Variants in SPAG17 observed in about 807,000 individuals in gnomAD.
SPAG17 encodes sperm-associated antigen 17.
A neutral mutation model predicts 273.6 loss-of-function variants in SPAG17; 169 were observed. The ratio of observed to expected loss-of-function variants is 0.62; its 90% CI spans 0.55 to 0.70. SPAG17 has a LOEUF of 0.70. Ranked by LOEUF, SPAG17 falls within the 30% of genes least tolerant of loss-of-function variation. The pLI, the probability that SPAG17 is intolerant of heterozygous loss-of-function variation, is 0.00. For missense variants in SPAG17, 2,557 were observed against 2,627.8 expected, an observed-to-expected ratio of 0.97 and a Z score of 0.59; for synonymous variants, 825 against 873.2, an observed-to-expected ratio of 0.94 and a Z score of 0.97.
intron 13 of SPAG17, among the ~76,000 whole-genome samples, chr1:118,082,719 A>G (rs918965190): frequency 2.6e-5 from 4 of 152,196 alleles, no homozygotes; most frequent in Non-Finnish European, 4.4e-5. Context: ...ACAAAAAGTG[A>G]TAATAGTCAG....
At chr1:118,074,839 T>C (rs1208835122) in intron 15 of SPAG17, among the ~76,000 whole-genome samples, 1 of 152,264 alleles carries the variant, frequency 6.6e-6, no homozygotes, top group East Asian at 1.9e-4. Context: ...GTGATATATC[T>C]TAAATCATAC....
At chr1:118,006,480 C>G (rs1658894629) in intron 31 of SPAG17, among the ~76,000 whole-genome samples, 3 of 152,142 alleles carry the variant, frequency 2.0e-5, no homozygotes, top group Admixed American at 2.0e-4. Context: ...ATCAGATTTT[C>G]TTTATTCACT....
At chr1:118,097,614 T>C (rs1558010809) in intron 7 of SPAG17, 56 bp downstream of exon 7, 4 of 1,384,240 alleles carry the variant, frequency 2.9e-6, no homozygotes, top group Non-Finnish European at 1.9e-6. Flanking sequence ...ATGGAGCAAA[T>C]AGAACCACTG....
intron 15 of SPAG17, among the ~76,000 whole-genome samples, chr1:118,078,102 G>A (rs933659455): frequency 2.6e-4 from 39 of 152,186 alleles, no homozygotes; most frequent in African/African-American, 8.9e-4. Flanking sequence ...TTAAATAAAT[G>A]TTATTTTCTT....
At chr1:118,145,853 A>T (rs1658956759) in intron 3 of SPAG17, among the ~76,000 whole-genome samples, 1 of 152,176 alleles carries the variant, frequency 6.6e-6, no homozygotes, top group African/African-American at 2.4e-5. Context: ...AGAGCATAAG[A>T]ACTTTTATTC....
At chr1:118,096,161 G>C (rs986050844) in intron 7 of SPAG17, among the ~76,000 whole-genome samples, 1 of 152,088 alleles carries the variant, frequency 6.6e-6, no homozygotes, top group Non-Finnish European at 1.5e-5. Flanking sequence ...ACTTATTCAA[G>C]TCCTGTCCAT....
intron 3 of SPAG17, among the ~76,000 whole-genome samples, chr1:118,126,663 C>T (rs1457436284): frequency 2.0e-5 from 3 of 152,086 alleles, no homozygotes; most frequent in African/African-American, 4.8e-5. Flanking sequence ...TTGTTTCCTT[C>T]GTTGTGCAGA....
chr1:118,011,593 T>C (rs1659473675), intron 30 of SPAG17, among the ~76,000 whole-genome samples: 2 of 151,964 alleles, frequency 1.3e-5, no homozygotes, highest in Admixed American at 1.3e-4. Context: ...AAGGAGAGGA[T>C]CAGAAAAAAT....
At chr1:118,077,834 C>T (rs973660437) in intron 15 of SPAG17, among the ~76,000 whole-genome samples, 1 of 152,140 alleles carries the variant, frequency 6.6e-6, no homozygotes, top group Non-Finnish European at 1.5e-5. Context: ...AGGAGCATGG[C>T]TAAATCATTA....
intron 1 of SPAG17, among the ~76,000 whole-genome samples, chr1:118,171,755 G>T (rs915250048): frequency 2.0e-5 from 3 of 152,078 alleles, no homozygotes; most frequent in African/African-American, 7.2e-5. Flanking sequence ...CACTGCTGTA[G>T]AGAGTGACGT....
chr1:118,126,043 GTTT>G (rs33966143), intron 3 of SPAG17, among the ~76,000 whole-genome samples: 299 of 136,740 alleles, frequency 2.2e-3, no homozygotes, highest in African/African-American at 7.8e-3. Context: ...GTTATTTTCT[GTTT>G]TTTTTTTTTT....
chr1:118,076,760 T>C, intron 15 of SPAG17, among the ~76,000 whole-genome samples: 1 of 152,130 alleles, frequency 6.6e-6, no homozygotes, highest in Admixed American at 6.6e-5. Flanking sequence ...TGATTTTTGC[T>C]TTCAACCACA....
At chr1:118,013,695 AGAGAT>A (rs2101789274) in intron 29 of SPAG17, among the ~76,000 whole-genome samples, 1 of 152,290 alleles carries the variant, frequency 6.6e-6, no homozygotes, top group African/African-American at 2.4e-5. Flanking sequence ...TTTATCTAGT[AGAGAT>A]ATTTACATAT....
intron 1 of SPAG17, among the ~76,000 whole-genome samples, chr1:118,160,998 A>C (rs1659882697): frequency 1.3e-5 from 2 of 152,198 alleles, no homozygotes; most frequent in African/African-American, 4.8e-5. Context: ...AGTGTCAGGG[A>C]ATCTGTGCCC....
In SPAG17 at chr1:118,179,853, G is replaced by A. The variant is rs147756711; in HGVS notation, c.87+5218C>T. 7.3e-3 allele frequency among the ~76,000 whole-genome samples: 1,115 copies of A among 151,962 alleles called. 35 individuals carry two copies. The highest frequency in any genetic ancestry group is 0.056 in the Admixed American group (848 of 15,256). ...GGTATATGAAAAGATGCTCAACATC[G>A]CTAATCATCAGATAAATGCAAATCA... On this transcript the variant is annotated intron_variant, in intron 1 of 48. Coordinates refer to ENST00000336338, the MANE Select transcript of SPAG17 (RefSeq NM_206996.4).
intron 41 of SPAG17, 51 bp downstream of exon 41, chr1:117,984,632 A>C: frequency 8.3e-7 from 1 of 1,209,556 alleles, no homozygotes; most frequent in Non-Finnish European, 1.2e-6. Context: ...TATGCAATAT[A>C]CCAAATTTAT....
rs562136669 is a variant in SPAG17, at chr1:117,979,458, C to T, written c.6004+1812G>A. ...AATTTCCTTCTCACCATTCCCTCTT[C>T]GCCCACCATAGCCCAGGTCTTCAGC... On this transcript the variant is annotated intron_variant, in intron 43 of 48. Coordinates refer to ENST00000336338, the MANE Select transcript of SPAG17 (RefSeq NM_206996.4). Among the ~76,000 whole-genome samples the T allele has an allele frequency of 3.3e-5, 5 of 152,238 alleles. No homozygotes were observed. The East Asian group carries it at 7.7e-4, about 24-fold the overall frequency.
chr1:118,016,543 T>C (rs1020414024), intron 28 of SPAG17, among the ~76,000 whole-genome samples: 3 of 152,176 alleles, frequency 2.0e-5, no homozygotes, highest in Non-Finnish European at 4.4e-5. Context: ...TTTTAAAGCC[T>C]ACCTTTGCTC....
intron 4 of SPAG17, among the ~76,000 whole-genome samples, chr1:118,113,493 T>C (rs1182878313): frequency 6.6e-6 from 1 of 152,124 alleles, no homozygotes; most frequent in Non-Finnish European, 1.5e-5. Flanking sequence ...TTACCAAGAG[T>C]ATTTTCCCGA....
Sources: gnomAD v4.1 joint callset for allele counts (sites outside exome capture counted in the v4.1 genomes callset) on GRCh38, gnomAD v4.1.1 for gene constraint, MANE v1.5 for transcripts, NCBI Gene and HGNC (gene_info 2026-07-23, HGNC 2026-07-21) for gene names.